Variants in TOX2 observed in about 807,000 individuals in gnomAD.
TOX2 encodes TOX high mobility group box family member 2, also known as granulosa cell HMG box 1.
In TOX2, 15 loss-of-function variants were observed where a neutral mutation model predicts 47.4. The ratio of observed to expected loss-of-function variants is 0.32; its 90% CI spans 0.21 to 0.49. The LOEUF is 0.49. Ranked by LOEUF, TOX2 falls within the 20% of genes least tolerant of loss-of-function variation. TOX2 has a pLI of 0.99. For missense variants in TOX2, 622 were observed against 673.1 expected (o/e 0.92, Z 0.84); for synonymous variants, 290 against 296.6 (o/e 0.98, Z 0.23).
At chr20:43,962,252 C>T (rs1296108441) in intron 1 of TOX2, among the ~76,000 whole-genome samples, 1 of 152,214 alleles carries the variant, frequency 6.6e-6, no homozygotes, top group Admixed American at 6.5e-5. Context: ...TAGGGGGCTG[C>T]CCTGCCCATC....
chr20:43,972,588 G>A (rs1006448849), intron 1 of TOX2, among the ~76,000 whole-genome samples: 2 of 152,230 alleles, frequency 1.3e-5, no homozygotes, highest in African/African-American at 2.4e-5. Flanking sequence ...AACATCCTAT[G>A]AGGAGGGGCC....
intron 1 of TOX2, chr20:43,955,351 C>G (rs2069649674): frequency 3.1e-6 from 3 of 966,098 alleles, no homozygotes; most frequent in Non-Finnish European, 2.5e-6. Context: ...AGCCTGAAAC[C>G]CGTTGTTTCC....
intron 1 of TOX2, among the ~76,000 whole-genome samples, chr20:43,922,733 G>T (rs1322276340): frequency 6.6e-6 from 1 of 152,210 alleles, no homozygotes; most frequent in East Asian, 1.9e-4. Flanking sequence ...CTGCCGTACA[G>T]TTGCTAATTC....
chr20:43,949,747 C>T (rs1043981140), intron 1 of TOX2, among the ~76,000 whole-genome samples: 6 of 152,182 alleles, frequency 3.9e-5, no homozygotes, highest in Non-Finnish European at 5.9e-5. Context: ...CTGATTGCCC[C>T]CACCGTCTAG....
Position 44,066,061 on chromosome 20 carries a change from C to T in TOX2, c.1310C>T (p.Ala437Val). The T allele has an allele frequency of 1.3e-6, 2 of 1,579,132 alleles. No homozygotes were observed. Among genetic ancestry groups the T allele is most frequent in the South Asian group, 2.3e-5 (2 of 85,308 alleles). Residue 437 changes from alanine to valine, a missense_variant, in exon 7 of 9, where the codon GCA becomes GTA. Coordinates refer to ENST00000341197, the MANE Select transcript of TOX2 (RefSeq NM_001098797.2). ...CCCCCTGTCCTGCCCACCCCCATGG[C>T]ACTCCAGGTGCAGCTGGCGATGAGC... is the stretch of plus-strand genomic sequence containing the variant. ...PQPPVLPTPMALQVQLAMSPS... is the reference protein window; with the variant it reads ...PQPPVLPTPMVLQVQLAMSPS...
chr20:44,064,431 G>C (rs2071773783), intron 5 of TOX2, among the ~76,000 whole-genome samples: 2 of 152,196 alleles, frequency 1.3e-5, no homozygotes, highest in Admixed American at 6.5e-5. Context: ...TTGCGAAGGT[G>C]GTTCGGCATT....
chr20:44,004,127 C>T (rs1439255174), intron 2 of TOX2, among the ~76,000 whole-genome samples: 1 of 152,052 alleles, frequency 6.6e-6, no homozygotes, highest in Non-Finnish European at 1.5e-5. Flanking sequence ...GTCCCAGGTT[C>T]GTGGTTCTAT....
intron 2 of TOX2, among the ~76,000 whole-genome samples, chr20:43,998,748 T>G (rs1286597205): frequency 1.3e-5 from 2 of 152,048 alleles, no homozygotes; most frequent in Non-Finnish European, 1.5e-5. Flanking sequence ...TCTATCTATC[T>G]ATCTATCTAT....
chr20:44,043,097 G>A (rs1281281914), intron 3 of TOX2, among the ~76,000 whole-genome samples: 1 of 152,182 alleles, frequency 6.6e-6, no homozygotes, highest in Non-Finnish European at 1.5e-5. Flanking sequence ...CGGGGCATCC[G>A]AGGGAAGATG....
intron 2 of TOX2, among the ~76,000 whole-genome samples, chr20:43,994,330 G>A (rs532534815): frequency 6.0e-5 from 9 of 151,170 alleles, no homozygotes; most frequent in South Asian, 2.1e-4. Context: ...GTGTTGGCTC[G>A]TGCCTGTAGT....
chr20:44,025,402 T>G, intron 3 of TOX2, among the ~76,000 whole-genome samples: 1 of 146,364 alleles, frequency 6.8e-6, no homozygotes, highest in Non-Finnish European at 1.5e-5. Context: ...CTGCAGTACC[T>G]GTTGGCAAGT....
chr20:44,051,722 C>T (rs2071515909), intron 4 of TOX2, among the ~76,000 whole-genome samples, 177 bp downstream of exon 4: 1 of 152,204 alleles, frequency 6.6e-6, no homozygotes, highest in Admixed American at 6.5e-5. Context: ...GGGATGTCCG[C>T]CACAGAGCTC....
chr20:44,004,540 G>T (rs1435571707), intron 2 of TOX2, among the ~76,000 whole-genome samples: 2 of 152,178 alleles, frequency 1.3e-5, no homozygotes, highest in Middle Eastern at 6.3e-3. Context: ...TGTGGGCTCT[G>T]GGTCCCAGTG....
At chr20:43,933,853 G>A (rs1192640355) in intron 1 of TOX2, among the ~76,000 whole-genome samples, 1 of 152,128 alleles carries the variant, frequency 6.6e-6, no homozygotes, top group Non-Finnish European at 1.5e-5. Context: ...TGAAAGAGGG[G>A]TTCTGGGTGG....
chr20:44,050,459 C>T (rs2071489765), intron 3 of TOX2, among the ~76,000 whole-genome samples: 1 of 152,026 alleles, frequency 6.6e-6, no homozygotes, highest in Admixed American at 6.5e-5. Flanking sequence ...AATAAATAAC[C>T]ACAGATGCAG....
chr20:43,991,345 A>G (rs916192125), intron 2 of TOX2, among the ~76,000 whole-genome samples: 5 of 152,258 alleles, frequency 3.3e-5, no homozygotes, highest in African/African-American at 1.2e-4. Flanking sequence ...GCCCAATGCC[A>G]TAGCAGACCA....
In TOX2 at chr20:44,006,616, G is replaced by A. The variant is rs1345403948; in HGVS notation, c.235G>A (p.Glu79Lys). Reference sequence around the variant, plus strand: ...CCCGATAACACCTCCCAACCTCCCGGAGCCATCCCTCCTGCACCTGGGGGA... The same window carrying A: ...CCCGATAACACCTCCCAACCTCCCGAAGCCATCCCTCCTGCACCTGGGGGA... ...IPPITPPNLP[E>K]PSLLHLGDHE... Residue 79 changes from glutamate to lysine, a missense_variant, in exon 3 of 9, where the codon GAG (glutamate) becomes AAG (lysine). Around this residue, in one of 3 missense-constraint regions of TOX2, gnomAD observed 307 missense variants for 327.3 expected, o/e 0.94. Coordinates refer to ENST00000341197, the MANE Select transcript of TOX2 (RefSeq NM_001098797.2). 1.9e-6 allele frequency: 3 copies of A among 1,614,036 alleles called. No individual in the cohort carries two copies. Among genetic ancestry groups the A allele is most frequent in the Non-Finnish European group, 2.5e-6 (3 of 1,180,012 alleles).
chr20:44,065,083 G>A (rs2071789317), intron 6 of TOX2, among the ~76,000 whole-genome samples: 1 of 152,234 alleles, frequency 6.6e-6, no homozygotes, highest in African/African-American at 2.4e-5. Flanking sequence ...ACCCAGAGGG[G>A]TTGAGCAACT....
chr20:43,977,214 A>T (rs145339274), intron 2 of TOX2, among the ~76,000 whole-genome samples: 6,425 of 152,188 alleles, frequency 0.042, 422 homozygotes, highest in African/African-American at 0.13. Context: ...GTGATTCTCC[A>T]GCCTCAGCCT....
Sources: gnomAD v4.1 joint callset for allele counts (sites outside exome capture counted in the v4.1 genomes callset) on GRCh38, gnomAD v4.1.1 for gene constraint, gnomAD v4.1.1 regional missense constraint, MANE v1.5 for transcripts, NCBI Gene and HGNC (gene_info 2026-07-23, HGNC 2026-07-21) for gene names.